The following HIBCH variants were observed in gnomAD, a reference collection of about 807,000 sequenced individuals.
The protein encoded by HIBCH is 3-hydroxyisobutyryl-CoA hydrolase, also known as 3-hydroxyisobutyryl-CoA hydrolase, mitochondrial.
In HIBCH, 50 loss-of-function variants were observed where a neutral mutation model predicts 58.2. The ratio of observed to expected loss-of-function variants is 0.86; its 90% confidence interval spans 0.68 to 1.09. The LOEUF (loss-of-function observed/expected upper bound fraction) is 1.09. Ranked by LOEUF, HIBCH falls within the 50% of genes least tolerant of loss-of-function variation. The pLI is 0.00. For missense variants in HIBCH, 450 were observed against 449.7 expected, an observed-to-expected ratio of 1.00 and a Z score of -0.01; for synonymous variants, 151 against 146.9, an observed-to-expected ratio of 1.03 and a Z score of -0.20.
chr2:190,269,774 T>C (rs533380925), intron 6 of HIBCH, among the ~76,000 whole-genome samples: 208 of 152,284 alleles, frequency 1.4e-3, no homozygotes, highest in Middle Eastern at 6.8e-3. Context: ...CATGCACACA[T>C]ATGTTTACTG....
intron 2 of HIBCH, among the ~76,000 whole-genome samples, chr2:190,301,414 A>G (rs1303651030): frequency 6.6e-6 from 1 of 152,226 alleles, no homozygotes; most frequent in Non-Finnish European, 1.5e-5. Flanking sequence ...GCTGAAGAAA[A>G]GGAAGTGGGG....
At chr2:190,302,991 A>G (rs1205800833) in intron 2 of HIBCH, among the ~76,000 whole-genome samples, 3 of 152,172 alleles carry the variant, frequency 2.0e-5, no homozygotes, top group Non-Finnish European at 4.4e-5. Flanking sequence ...TTGCATATAT[A>G]CTAGGTTTAA....
At chr2:190,290,509 A>T (rs759612824) in intron 4 of HIBCH, 24 bp from the exon 5 acceptor site, 2 of 1,432,100 alleles carry the variant, frequency 1.4e-6, no homozygotes, top group Non-Finnish European at 2.0e-6. Context: ...ATTACAAATA[A>T]AAAAAAAAAG....
chr2:190,224,460 A>C (rs962994600), intron 11 of HIBCH, among the ~76,000 whole-genome samples: 39 of 152,320 alleles, frequency 2.6e-4, no homozygotes, highest in Non-Finnish European at 4.9e-4. Flanking sequence ...CAAATGGAAA[A>C]CAAAAAAAAG....
At chr2:190,261,474 C>G (rs1011844787) in intron 6 of HIBCH, among the ~76,000 whole-genome samples, 10 of 152,102 alleles carry the variant, frequency 6.6e-5, no homozygotes, top group Non-Finnish European at 1.3e-4. Flanking sequence ...CACCCCCATT[C>G]TTGTCTGGTC....
intron 1 of HIBCH, among the ~76,000 whole-genome samples, chr2:190,192,103 G>C (rs914361744): frequency 3.9e-5 from 6 of 151,964 alleles, no homozygotes; most frequent in African/African-American, 1.5e-4. Flanking sequence ...TTAAAACTAT[G>C]ATCCCTTTTG....
In HIBCH at chr2:190,213,030, G is replaced by A. The variant is rs141208550; in HGVS notation, c.937C>T (p.Gln313Ter). 7 of 1,609,230 alleles carry A rather than the reference G, an allele frequency of 4.3e-6. No homozygotes were observed. Among genetic ancestry groups the A allele is most frequent in the Non-Finnish European group, 8.5e-7 (1 of 1,175,992 alleles). Residue 313 changes from glutamine (Q) to a stop codon, truncating the protein, a stop_gained, in exon 12 of 14, where the codon CAA (glutamine) becomes TAA (stop). Coordinates refer to ENST00000359678, the MANE Select transcript of HIBCH (RefSeq NM_014362.4). LOFTEE classifies it high-confidence loss of function. ...SPTSLKITLR[Q>*]LMEGSSKTLQ... ...GTCTTTGAAGACCCCTCCATGAGTT[G>A]CCTTAGTGTGATCTTTAGAGATGTT...
intron 6 of HIBCH, among the ~76,000 whole-genome samples, chr2:190,276,727 AG>A (rs1298023202): frequency 6.6e-6 from 1 of 152,246 alleles, no homozygotes; most frequent in Non-Finnish European, 1.5e-5. Flanking sequence ...CACACCCTGC[AG>A]AACTGTGAGC....
intron 6 of HIBCH, among the ~76,000 whole-genome samples, chr2:190,283,058 G>C (rs904913195): frequency 3.3e-5 from 5 of 152,112 alleles, no homozygotes; most frequent in African/African-American, 1.2e-4. Flanking sequence ...GCTCCAATGA[G>C]CATTTCCTTT....
At chr2:190,274,238 T>C (rs1259138661) in intron 6 of HIBCH, among the ~76,000 whole-genome samples, 1 of 152,202 alleles carries the variant, frequency 6.6e-6, no homozygotes, top group Non-Finnish European at 1.5e-5. Flanking sequence ...CTTTTAAAAC[T>C]GAAAAAAGGT....
chr2:190,226,262 A>G (rs943775625), intron 11 of HIBCH, among the ~76,000 whole-genome samples: 1 of 149,086 alleles, frequency 6.7e-6, no homozygotes, highest in Non-Finnish European at 1.5e-5. Context: ...TGGCCAGAGC[A>G]ATCAGGCAGG....
At chr2:190,227,200 C>A (rs559042266) in intron 11 of HIBCH, among the ~76,000 whole-genome samples, 57 of 152,020 alleles carry the variant, frequency 3.7e-4, no homozygotes, top group African/African-American at 5.1e-4. Flanking sequence ...TACAGTAACC[C>A]AAACAGCATG....
Position 190,290,489 on chromosome 2 carries a change from G to C in HIBCH, c.305-4C>G, listed in dbSNP as rs1228047925. On this transcript the variant is annotated splice_polypyrimidine_tract_variant and splice_region_variant and intron_variant, in intron 4 of 13. Transcript: ENST00000359678. ...GCCTTTTCAGCTTCCGAGATCACTA[G>C]GAAGGAAAGATTACAAATAAAAAAA... is the stretch of plus-strand genomic sequence containing the variant. 6.3e-7 allele frequency: 1 copy of C among 1,584,396 alleles called. No homozygotes were observed. The highest frequency in any genetic ancestry group is 8.7e-7 in the Non-Finnish European group (1 of 1,155,370).
chr2:190,199,801 C>G, downstream of HIBCH: 1 of 1,575,648 alleles, frequency 6.3e-7, no homozygotes, highest in Non-Finnish European at 8.6e-7. Flanking sequence ...TCATTGTTTT[C>G]TAAAGATGGC....
intron 4 of HIBCH, 41 bp downstream of exon 4, chr2:190,294,505 T>TG (rs1559057503): frequency 8.7e-6 from 11 of 1,258,994 alleles, no homozygotes; most frequent in Admixed American, 5.0e-5. Flanking sequence ...TCAGTTCTAG[T>TG]AGGGGGAAAG....
Position 190,292,902 on chromosome 2 carries a change from TCA to T in HIBCH, c.304+1642_304+1643del, listed in dbSNP as rs1422695944. On this transcript the variant is annotated intron_variant, in intron 4 of 13. Transcript: ENST00000359678. ...CATCTAAATTAAAATTAAATGTCCT[TCA>T]CAATCATTTTTTGAAAATTTTCTGA... is the stretch of plus-strand genomic sequence containing the variant. Among the ~76,000 whole-genome samples, 3 of 152,358 alleles carry T rather than the reference TCA, an allele frequency of 2.0e-5. No individual in the cohort carries two copies. The South Asian group carries it at 6.2e-4, about 32-fold the overall frequency.
At chr2:190,317,076 G>C (rs917078847) in intron 1 of HIBCH, among the ~76,000 whole-genome samples, 1 of 152,132 alleles carries the variant, frequency 6.6e-6, no homozygotes, top group Non-Finnish European at 1.5e-5. Flanking sequence ...ACCATACCCA[G>C]CTAGTTTTTT....
Position 190,244,522 on chromosome 2 carries a change from T to C in HIBCH, c.891+365A>G, listed in dbSNP as rs112595263. Among the ~76,000 whole-genome samples, 1,019 of 152,270 alleles carry C rather than the reference T, an allele frequency of 6.7e-3. 12 individuals carry two copies. The highest frequency in any genetic ancestry group is 0.022 in the African/African-American group (924 of 41,546). ...TTATAGATCAATGTCCCAATTGCAA[T>C]GTATCATAAGGTGACTAATCTCCAG... is the stretch of plus-strand genomic sequence containing the variant. On this transcript the variant is annotated intron_variant, in intron 11 of 13. Coordinates refer to ENST00000359678, the MANE Select transcript of HIBCH (RefSeq NM_014362.4).
In HIBCH at chr2:190,197,406, A is replaced by T. The variant is rs1385111139; in HGVS notation, c.*18-7409T>A. On this transcript the variant is annotated intron_variant, in intron 1 of 1. Coordinates refer to the HIBCH transcript ENST00000399855. The surrounding 1 kb of genome is among the most constrained non-coding windows in gnomAD (Gnocchi z 4.0). ...CTGTTCAACTCTTAAGTCCTAGAGG[A>T]AGTAATCGTTTGCTAACACTTTGCA... Among the ~76,000 whole-genome samples the T allele has an allele frequency of 6.6e-6, 1 of 152,200 alleles. No individual in the cohort carries two copies. Among genetic ancestry groups the T allele is most frequent in the African/African-American group, 2.4e-5 (1 of 41,448 alleles).
Sources: allele counts gnomAD v4.1 joint callset (sites outside exome capture counted in the v4.1 genomes callset), GRCh38; gene constraint gnomAD v4.1.1; non-coding constraint Gnocchi (gnomAD v3.1); transcripts MANE v1.5; gene names NCBI Gene and HGNC (gene_info 2026-07-23, HGNC 2026-07-21).